MRPL43: variants seen among roughly 807,000 people sequenced by gnomAD.
MRPL43 encodes the protein mitochondrial ribosomal protein L43.
In MRPL43, 9 loss-of-function variants were observed where a neutral mutation model predicts 12.7. The ratio of observed to expected loss-of-function variants is 0.71; its 90% CI spans 0.43 to 1.24. MRPL43 has a LOEUF of 1.24. Among genes scored for constraint, MRPL43 ranks in the 50% most tolerant of loss-of-function variants. MRPL43 has a pLI of 0.00. For missense variants in MRPL43, 211 were observed against 229.2 expected (o/e 0.92, Z 0.51); for synonymous variants, 116 against 96.4 (o/e 1.20, Z -1.19).
downstream of MRPL43, chr10:100,978,056 C>T (rs1011931611): frequency 1.7e-6 from 1 of 577,208 alleles, no homozygotes; most frequent in Non-Finnish European, 3.1e-6. Flanking sequence ...AGATGTTCTT[C>T]ATAGATAAGG....
downstream of MRPL43, chr10:100,983,912 A>ACCCCCC: frequency 2.2e-5 from 4 of 185,368 alleles, no homozygotes; most frequent in Non-Finnish European, 3.3e-5. Flanking sequence ...CAGCCCCACC[A>ACCCCCC]CCCCCACCGC....
downstream of MRPL43, chr10:100,978,733 C>T (rs1850913939): frequency 1.9e-6 from 3 of 1,554,774 alleles, no homozygotes; most frequent in African/African-American, 1.4e-5. Flanking sequence ...CCCCAAATCC[C>T]CAGGTGAGCC....
At chr10:100,982,973 T>G (rs1851182916), downstream of MRPL43, among the ~76,000 whole-genome samples, 1 of 152,178 alleles carries the variant, frequency 6.6e-6, no homozygotes, top group South Asian at 2.1e-4. Context: ...CATGTGGAGA[T>G]GCCCAGCACA....
At chr10:100,983,124 T>C (rs945274944), downstream of MRPL43, among the ~76,000 whole-genome samples, 1 of 152,212 alleles carries the variant, frequency 6.6e-6, no homozygotes, top group Non-Finnish European at 1.5e-5. Context: ...CACTGCCTGC[T>C]TCCTGGGAAG....
At chr10:100,984,527 A>G, downstream of MRPL43, 9 of 1,535,842 alleles carry the variant, frequency 5.9e-6, no homozygotes, top group Non-Finnish European at 7.8e-6. Context: ...CAATGTCACC[A>G]CCCTCTGCAT....
downstream of MRPL43, chr10:100,984,115 A>G (rs1222819487): frequency 6.2e-7 from 1 of 1,611,170 alleles, no homozygotes; most frequent in East Asian, 2.2e-5. Context: ...GAGCAGCTAG[A>G]TGAGAGCTCT....
At chr10:100,978,629 A>G, downstream of MRPL43, 8 of 1,613,564 alleles carry the variant, frequency 5.0e-6, no homozygotes, top group Non-Finnish European at 6.8e-6. Flanking sequence ...ACACCAATGC[A>G]TTGGCTCAAT....
chr10:100,986,101 A>C (rs1357820102), downstream of MRPL43, among the ~76,000 whole-genome samples: 1 of 152,168 alleles, frequency 6.6e-6, no homozygotes, highest in Non-Finnish European at 1.5e-5. Flanking sequence ...GTCAGCCAGG[A>C]CTTGGTCTGA....
chr10:100,987,057 C>G, intron 2 of MRPL43, 33 bp downstream of exon 2: 2 of 1,610,832 alleles, frequency 1.2e-6, no homozygotes, highest in Non-Finnish European at 8.5e-7. Context: ...AGCCCCTGAT[C>G]CCGCCCTCCA....
At chr10:100,984,551 G>A (rs1851326936), downstream of MRPL43, 5 of 1,536,026 alleles carry the variant, frequency 3.3e-6, no homozygotes, top group African/African-American at 1.4e-5. Flanking sequence ...CCTGTGTGCT[G>A]GATGGTCCTG....
Position 100,987,327 on chromosome 10 carries a change from C to G in MRPL43, c.117G>C (p.Ser39=), listed in dbSNP as rs752944321. ...LSFSVSRDGA[S]SRGAREFVER... is the part of the protein sequence containing the mutation. ...CCTTGGCTCACCTGGCGCCGCGAGACGAGGCGCCGTCGCGGCTGACGCTGA... is the reference window on the plus strand; with the variant it reads ...CCTTGGCTCACCTGGCGCCGCGAGAGGAGGCGCCGTCGCGGCTGACGCTGA... Residue 39 remains serine, a synonymous_variant, in exon 1 of 3, where the codon TCG becomes TCC. Transcript: ENST00000318364. The G allele has an allele frequency of 1.9e-6, 3 of 1,612,380 alleles. No homozygotes were observed. Among genetic ancestry groups the G allele is most frequent in the Non-Finnish European group, 2.5e-6 (3 of 1,179,820 alleles).
chr10:100,978,981 G>A, downstream of MRPL43: 2 of 1,614,210 alleles, frequency 1.2e-6, no homozygotes, highest in Non-Finnish European at 1.7e-6. Context: ...CAGAGCCGCA[G>A]CAGTCACCGT....
chr10:100,982,003 A>G (rs949029066), downstream of MRPL43, among the ~76,000 whole-genome samples: 1 of 150,214 alleles, frequency 6.7e-6, no homozygotes, highest in African/African-American at 2.5e-5. Flanking sequence ...GGTTGCAGTG[A>G]GCCAAGATCA....
downstream of MRPL43, chr10:100,986,237 C>T (rs1851457025): frequency 8.4e-7 from 1 of 1,189,462 alleles, no homozygotes; most frequent in South Asian, 2.1e-5. Flanking sequence ...GAGGCTTGTG[C>T]TTAACATATG....
chr10:100,977,894 C>A (rs1850870223), downstream of MRPL43: 7 of 619,674 alleles, frequency 1.1e-5, no homozygotes, highest in Admixed American at 5.6e-5. Flanking sequence ...ACTGGAGAAC[C>A]ATTCCCCTTT....
downstream of MRPL43, chr10:100,984,949 T>C: frequency 2.1e-6 from 3 of 1,421,106 alleles, no homozygotes; most frequent in Non-Finnish European, 2.8e-6. Flanking sequence ...CACACACCTG[T>C]ATCACACATG....
At chr10:100,978,759 T>G, downstream of MRPL43, 1 of 1,566,024 alleles carries the variant, frequency 6.4e-7, no homozygotes, top group Non-Finnish European at 8.7e-7. Context: ...ATTCCATTCC[T>G]GTGTGTTGTC....
downstream of MRPL43, chr10:100,980,712 C>A: frequency 6.2e-7 from 1 of 1,609,332 alleles, no homozygotes; most frequent in South Asian, 1.1e-5. Flanking sequence ...TCTCTGTGAC[C>A]CTTAATATAG....
chr10:100,986,712 C>T lies in MRPL43; in HGVS notation c.*22G>A, dbSNP rs765457948. On this transcript the variant is annotated 3_prime_UTR_variant, in exon 3 of 3. Coordinates refer to ENST00000318364, the MANE Select transcript of MRPL43 (RefSeq NM_032112.3). ...CGGAGTAACAGTCCAAAGCCTGGGGCTGCAGTTGGTGGGGCAACTCTTCAC... is the reference window on the plus strand; with the variant it reads ...CGGAGTAACAGTCCAAAGCCTGGGGTTGCAGTTGGTGGGGCAACTCTTCAC... 1.2e-6 allele frequency: 2 copies of T among 1,613,940 alleles called. No individual in the cohort carries two copies. The highest frequency in any genetic ancestry group is 3.3e-5 in the Admixed American group (2 of 60,010).
Sources: gnomAD v4.1 joint callset for allele counts (sites outside exome capture counted in the v4.1 genomes callset) on GRCh38, gnomAD v4.1.1 for gene constraint, MANE v1.5 for transcripts, NCBI Gene and HGNC (gene_info 2026-07-23, HGNC 2026-07-21) for gene names.